Variants in TJP1 observed in about 807,000 individuals in gnomAD.
The protein encoded by TJP1 is tight junction protein 1.
In TJP1, 43 loss-of-function variants were observed where a neutral mutation model predicts 194.2. The ratio of observed to expected loss-of-function variants is 0.22; its 90% confidence interval spans 0.17 to 0.29. The LOEUF (loss-of-function observed/expected upper bound fraction) is 0.29. Among genes scored for constraint, TJP1 ranks in the 10% least tolerant of loss-of-function variants. TJP1 has a pLI of 1.00. For missense variants in TJP1, 1,971 were observed against 2,185.7 expected (o/e 0.90, Z 1.96); for synonymous variants, 801 against 779.0 (o/e 1.03, Z -0.47).
chr15:29,760,433 T>C (rs1205109685), intron 8 of TJP1: 4 of 572,896 alleles, frequency 7.0e-6, no homozygotes, highest in Non-Finnish European at 1.2e-5. Flanking sequence ...TGGAGTGCAG[T>C]GGTGCGATCT....
chr15:29,742,196 G>A (rs1375353984), intron 9 of TJP1, among the ~76,000 whole-genome samples: 5 of 151,856 alleles, frequency 3.3e-5, no homozygotes, highest in Non-Finnish European at 4.4e-5. Context: ...TGAGGTTACA[G>A]CGAGCTAATC....
chr15:29,945,288 TA>T (rs1219974458), intron 2 of TJP1, among the ~76,000 whole-genome samples: 1 of 152,246 alleles, frequency 6.6e-6, no homozygotes, highest in African/African-American at 2.4e-5. Flanking sequence ...GGAATTATGT[TA>T]GCTAGGAGAA....
chr15:29,874,837 A>G (rs1306836014), intron 2 of TJP1, among the ~76,000 whole-genome samples: 1 of 152,244 alleles, frequency 6.6e-6, no homozygotes, highest in Non-Finnish European at 1.5e-5. Context: ...ATGTCACACA[A>G]AATGTGGTGC....
At chr15:29,821,795 C>T (rs1296828871) in intron 1 of TJP1, among the ~76,000 whole-genome samples, 2 of 148,394 alleles carry the variant, frequency 1.3e-5, no homozygotes, top group Non-Finnish European at 3.0e-5. Flanking sequence ...TCCCCGGCCG[C>T]CCCCAGTGCG....
intron 2 of TJP1, among the ~76,000 whole-genome samples, chr15:29,927,690 G>A (rs1290729024): frequency 2.0e-5 from 3 of 152,136 alleles, no homozygotes; most frequent in African/African-American, 7.2e-5. Flanking sequence ...GAGAAGGTGA[G>A]CCACGCATAT....
At chr15:29,856,781 G>A (rs1328909384) in intron 2 of TJP1, among the ~76,000 whole-genome samples, 1 of 151,694 alleles carries the variant, frequency 6.6e-6, no homozygotes, top group Non-Finnish European at 1.5e-5. Context: ...AGACCATCCT[G>A]GCTAACACGG....
intron 8 of TJP1, among the ~76,000 whole-genome samples, chr15:29,755,271 T>A (rs527934349): frequency 6.6e-6 from 1 of 152,302 alleles, no homozygotes; most frequent in East Asian, 1.9e-4. Flanking sequence ...TCTATGATGT[T>A]CACACAAGGA....
At chr15:29,790,755 T>C (rs939359844) in intron 2 of TJP1, among the ~76,000 whole-genome samples, 2 of 151,060 alleles carry the variant, frequency 1.3e-5, no homozygotes, top group African/African-American at 4.8e-5. Context: ...ATTTTTCTTT[T>C]TTTTTTTTTT....
At chr15:29,894,219 A>G (rs975384845) in intron 2 of TJP1, among the ~76,000 whole-genome samples, 2 of 152,178 alleles carry the variant, frequency 1.3e-5, no homozygotes, top group African/African-American at 4.8e-5. Flanking sequence ...AGCACCTTGG[A>G]AAGCTGAGGT....
intron 2 of TJP1, among the ~76,000 whole-genome samples, chr15:29,848,736 G>A (rs1358982470): frequency 6.6e-6 from 1 of 152,114 alleles, no homozygotes; most frequent in African/African-American, 2.4e-5. Flanking sequence ...GCATGTGCCT[G>A]TAGTCCCAGC....
intron 1 of TJP1, among the ~76,000 whole-genome samples, chr15:29,805,792 G>C (rs2049074963): frequency 6.6e-6 from 1 of 152,190 alleles, no homozygotes; most frequent in Non-Finnish European, 1.5e-5. Flanking sequence ...TGTGTCTGCT[G>C]TGAAGATCAG....
chr15:29,928,753 C>T (rs2054606215), intron 2 of TJP1, among the ~76,000 whole-genome samples: 1 of 152,134 alleles, frequency 6.6e-6, no homozygotes, highest in Admixed American at 6.5e-5. Context: ...ACCATCCTGG[C>T]TAACACGGTG....
In TJP1 at chr15:29,719,007, G is replaced by T; in HGVS notation, c.3135C>A (p.Tyr1045Ter). 1 of 1,614,136 alleles carries T rather than the reference G, an allele frequency of 6.2e-7. No homozygotes were observed. Among genetic ancestry groups the T allele is most frequent in the Non-Finnish European group, 8.5e-7 (1 of 1,180,024 alleles). The change falls in exon 21 of 28, where the codon TAC becomes TAA. Residue 1045 changes from tyrosine to a stop codon, truncating the protein, a stop_gained. Coordinates refer to ENST00000614355, the MANE Select transcript of TJP1 (RefSeq NM_001330239.4). LOFTEE classifies it high-confidence loss of function. ...GGTCTCTGCTGGCTTGTTTCTCTAC[G>T]TATGGGAGTTGGGGTTCATAGGTCA... is the stretch of plus-strand genomic sequence containing the variant. ...PNLTYEPQLP[Y>*]VEKQASRDLE... is the part of the protein sequence containing the mutation.
intron 2 of TJP1, among the ~76,000 whole-genome samples, chr15:29,918,298 C>T (rs921207902): frequency 6.6e-6 from 1 of 152,180 alleles, no homozygotes. Context: ...ATTGGGTGTA[C>T]AAATACATCT....
At chr15:29,942,274 G>C (rs1023585464) in intron 2 of TJP1, among the ~76,000 whole-genome samples, 1 of 152,178 alleles carries the variant, frequency 6.6e-6, no homozygotes, top group Non-Finnish European at 1.5e-5. Flanking sequence ...AGAGATGAGA[G>C]ATGATGGCAC....
At chr15:29,746,212 T>G (rs2044763828) in intron 8 of TJP1, among the ~76,000 whole-genome samples, 1 of 151,730 alleles carries the variant, frequency 6.6e-6, no homozygotes, top group Non-Finnish European at 1.5e-5. Context: ...CTGTCTCTAC[T>G]AAAAATACAA....
At chr15:29,880,337 A>G (rs899935982) in intron 2 of TJP1, among the ~76,000 whole-genome samples, 1 of 152,198 alleles carries the variant, frequency 6.6e-6, no homozygotes, top group African/African-American at 2.4e-5. Context: ...AGTGTGTGTA[A>G]TTTGATGAAT....
chr15:29,882,218 T>C (rs2052960587), intron 2 of TJP1, among the ~76,000 whole-genome samples: 1 of 152,060 alleles, frequency 6.6e-6, no homozygotes, highest in Non-Finnish European at 1.5e-5. Context: ...CTTACCCCAC[T>C]AGCAAGGACC....
At position 29,726,932 on chromosome 15, in the gene TJP1, C is replaced by G; in HGVS notation, c.2160G>C (p.Gln720His). 1 of 1,614,188 alleles carries G rather than the reference C, an allele frequency of 6.2e-7. No individual in the cohort carries two copies. The highest frequency in any genetic ancestry group is 8.5e-7 in the Non-Finnish European group (1 of 1,180,042). ...PNAVDRLNYA[Q>H]WYPIVVFLNP... ...TAAGAAATACAACAATTGGATACCA[C>G]TGGGCATAGTTAAGACGATCAACTG... is the stretch of plus-strand genomic sequence containing the variant. The change falls in exon 17 of 28, where the codon CAG becomes CAC. Residue 720 changes from glutamine to histidine, a missense_variant. This residue lies in a region of TJP1 where 402 missense variants were observed against 484.2 expected (regional missense o/e 0.83). Coordinates refer to ENST00000614355, the MANE Select transcript of TJP1 (RefSeq NM_001330239.4).
Sources: allele counts gnomAD v4.1 joint callset (sites outside exome capture counted in the v4.1 genomes callset), GRCh38; gene constraint gnomAD v4.1.1; regional missense constraint gnomAD v4.1.1; transcripts MANE v1.5; gene names NCBI Gene and HGNC (gene_info 2026-07-23, HGNC 2026-07-21).